RHCE: variants seen among roughly 807,000 people sequenced by gnomAD.
RHCE encodes blood group Rh(CE) polypeptide.
In RHCE, 22 loss-of-function variants were observed where a neutral mutation model predicts 43.8. The ratio of observed to expected loss-of-function variants is 0.50; its 90% CI spans 0.36 to 0.72. The LOEUF is 0.72. Among genes scored for constraint, RHCE ranks in the 30% least tolerant of loss-of-function variants. The pLI is 0.00. For missense variants in RHCE, 385 were observed against 525.4 expected (o/e 0.73, Z 2.61); for synonymous variants, 156 against 210.7 (o/e 0.74, Z 2.25).
chr1:25,399,170 C>G (rs1240704756), intron 3 of RHCE: 2 of 1,106,332 alleles, frequency 1.8e-6, no homozygotes, highest in African/African-American at 3.0e-5. Context: ...TGGGCATCTG[C>G]AAAGCTGTTG....
chr1:25,427,856 A>G (rs1461831480), intron 2 of RHCE, among the ~76,000 whole-genome samples: 1 of 152,248 alleles, frequency 6.6e-6, no homozygotes, highest in Non-Finnish European at 1.5e-5. Flanking sequence ...ACATAGAACT[A>G]GAAGCACCAC....
intron 8 of RHCE, among the ~76,000 whole-genome samples, chr1:25,374,036 G>C (rs950226277): frequency 6.6e-6 from 1 of 151,002 alleles, no homozygotes; most frequent in African/African-American, 2.5e-5. Flanking sequence ...GGTCAGGCTG[G>C]TCTCGAACTC....
chr1:25,421,831 A>G (rs887504230), upstream of RHCE, among the ~76,000 whole-genome samples: 1 of 152,228 alleles, frequency 6.6e-6, no homozygotes, highest in African/African-American at 2.4e-5. Context: ...CTCATTTTCT[A>G]CAATGGCCCC....
At position 25,385,615 on chromosome 1, in the gene RHCE, C is replaced by T. The variant is rs529184529; in HGVS notation, c.1073+96G>A. ...CACCGAAGCCTACTGAGCACCTGGC[C>T]CCGAGTGCACACGCCCCAGCTAAGG... is the stretch of plus-strand genomic sequence containing the variant. On this transcript the variant is annotated intron_variant, in intron 7 of 9. Transcript: ENST00000294413. The T allele has an allele frequency of 4.9e-5, 77 of 1,563,644 alleles. No homozygotes were observed. In the African/African-American group the frequency reaches 9.9e-4, roughly 20 times the overall value.
chr1:25,378,636 A>G (rs1286383962), intron 7 of RHCE, among the ~76,000 whole-genome samples: 1 of 152,104 alleles, frequency 6.6e-6, no homozygotes, highest in Non-Finnish European at 1.5e-5. Context: ...AAATTCCAAC[A>G]TATGTGTTTT....
intron 3 of RHCE, among the ~76,000 whole-genome samples, chr1:25,402,370 GCCA>G (rs1302238363): frequency 4.6e-5 from 7 of 151,946 alleles, no homozygotes; most frequent in Middle Eastern, 3.2e-3. Context: ...ACAGGTGCAT[GCCA>G]CCACAACTGG....
intron 1 of RHCE, among the ~76,000 whole-genome samples, chr1:25,410,586 C>T (rs184200697): frequency 2.2e-4 from 33 of 151,792 alleles, no homozygotes; most frequent in African/African-American, 7.3e-4. Flanking sequence ...GCGCGCACCA[C>T]CACGCCTGGC....
upstream of RHCE, among the ~76,000 whole-genome samples, chr1:25,422,927 G>A (rs1328037476): frequency 2.6e-5 from 4 of 152,142 alleles, no homozygotes; most frequent in Admixed American, 6.5e-5. Context: ...ATCTAATGCC[G>A]CTGCTGATCT....
intron 7 of RHCE, among the ~76,000 whole-genome samples, chr1:25,383,142 T>C (rs145454274): frequency 0.01 from 1,548 of 152,266 alleles, 28 homozygotes; most frequent in African/African-American, 0.035. Context: ...GGACTGAGAA[T>C]TGAAAAAGAG....
intron 8 of RHCE, 94 bp from the exon 9 acceptor site, chr1:25,370,634 T>C: frequency 1.8e-6 from 2 of 1,107,548 alleles, no homozygotes; most frequent in Admixed American, 1.9e-5. Flanking sequence ...AAAACGACAG[T>C]GTCTCAACAG....
chr1:25,403,544 A>AG (rs959325506), intron 2 of RHCE, among the ~76,000 whole-genome samples: 2 of 152,222 alleles, frequency 1.3e-5, no homozygotes, highest in Non-Finnish European at 2.9e-5. Flanking sequence ...GATCCAAAAA[A>AG]AAAAAAAATG....
At chr1:25,400,008 AT>A (rs1646681748) in intron 3 of RHCE, among the ~76,000 whole-genome samples, 2 of 152,176 alleles carry the variant, frequency 1.3e-5, no homozygotes, top group African/African-American at 4.8e-5. Flanking sequence ...AATAATAATA[AT>A]TTTAAAAAAG....
upstream of RHCE, chr1:25,421,023 T>A (rs1271421667): frequency 1.8e-6 from 1 of 552,154 alleles, no homozygotes; most frequent in African/African-American, 1.9e-5. Flanking sequence ...CAAGTTGCTG[T>A]GTTCCTGTTA....
At chr1:25,402,835 G>T in intron 2 of RHCE, 89 bp from the exon 3 acceptor site, 5 of 1,559,444 alleles carry the variant, frequency 3.2e-6, no homozygotes, top group South Asian at 2.2e-5. Flanking sequence ...AACAAACACT[G>T]TTGGGCACCT....
rs1489745229 is a variant in RHCE, at chr1:25,406,263, GT to G, written c.335+2419del. Among the ~76,000 whole-genome samples the G allele has an allele frequency of 3.3e-5, 4 of 121,618 alleles. 1 individual carries two copies. Among genetic ancestry groups the G allele is most frequent in the African/African-American group, 1.0e-4 (4 of 39,250 alleles). 79.8% of individuals were successfully genotyped at this position (121,618 alleles called of 152,430 possible). A position where few individuals can be genotyped will look rare whatever the true frequency, so the allele number is the denominator to read the frequency against. ...CGTGCGTGCGTGCGTGTGTGTGTGT[GT>G]GTGTGTGTGTGTATTGAATCCCGGT... On this transcript the variant is annotated intron_variant, in intron 2 of 9. Coordinates refer to ENST00000294413, the MANE Select transcript of RHCE (RefSeq NM_020485.8).
At chr1:25,393,361 C>T (rs530495240) in intron 3 of RHCE, among the ~76,000 whole-genome samples, 60 of 152,250 alleles carry the variant, frequency 3.9e-4, no homozygotes, top group Admixed American at 6.5e-4. Context: ...TGGCTCAAGC[C>T]TGTAATCTCA....
Position 25,392,051 on chromosome 1 carries a change from T to G in RHCE, c.577A>C (p.Lys193Gln). ...VAWCLPKPLPKGTEDNDQRAT... is the reference protein window; with the variant it reads ...VAWCLPKPLPQGTEDNDQRAT... The stretch of plus-strand genomic sequence containing the variant: ...CTCTGATCATTATCCTCCGTTCCCT[T>G]GGGTAGAGGCTTTGGCAGGCACCAG... The change falls in exon 4 of 10, where the codon AAG becomes CAG. Residue 193 changes from lysine (K) to glutamine (Q), a missense_variant. Transcript: ENST00000294413. 6.2e-7 allele frequency: 1 copy of G among 1,614,022 alleles called. No homozygotes were observed. The highest frequency in any genetic ancestry group is 2.2e-5 in the East Asian group (1 of 44,878).
chr1:25,408,965 G>T lies in RHCE; in HGVS notation c.149-96C>A, dbSNP rs1646995295. 3.8e-6 allele frequency: 3 copies of T among 782,002 alleles called. 1 individual carries two copies. Among genetic ancestry groups the T allele is most frequent in the Non-Finnish European group, 5.7e-6 (3 of 523,304 alleles). The allele number at this position is 782,002 out of a possible 1,614,324, so 48.4% of individuals were successfully genotyped here. On this transcript the variant is annotated intron_variant, in intron 1 of 9. Coordinates refer to ENST00000294413, the MANE Select transcript of RHCE (RefSeq NM_020485.8). The stretch of plus-strand genomic sequence containing the variant: ...GTCTTACTAAATGGCAGCTGGAAGG[G>T]GCATGCAAGATCGTTTACAAGTATT...
intron 5 of RHCE, among the ~76,000 whole-genome samples, chr1:25,389,965 CACTCACTTCCTCTTAGCACTG>C (rs1242639106): frequency 6.6e-6 from 1 of 152,106 alleles, no homozygotes; most frequent in African/African-American, 2.4e-5. Context: ...AACTCATGGC[CACTCACTTCCTCTTAGCACTG>C]AATTCTGCTG....
Sources: gnomAD v4.1 joint callset for allele counts (sites outside exome capture counted in the v4.1 genomes callset) on GRCh38, gnomAD v4.1.1 for gene constraint, MANE v1.5 for transcripts, NCBI Gene and HGNC (gene_info 2026-07-23, HGNC 2026-07-21) for gene names.